Variants in PGAP1 observed in about 807,000 individuals in gnomAD.
PGAP1 encodes the protein post-GPI attachment to proteins inositol deacylase 1, also known as GPI inositol-deacylase.
Under a neutral mutation model 127.0 loss-of-function variants are expected in PGAP1, and 76 were observed. The ratio of observed to expected loss-of-function variants is 0.60; its 90% CI spans 0.50 to 0.72. The LOEUF (loss-of-function observed/expected upper bound fraction) is 0.72, where lower values mean the gene tolerates loss of function less well. PGAP1 is among the 30% of genes least tolerant of loss of function. The probability of loss-of-function intolerance (pLI) is 0.00; values close to 1 mark genes in which losing one functional copy is unlikely to be tolerated. For missense variants in PGAP1, 982 were observed against 1,071.3 expected (o/e 0.92, Z 1.16); for synonymous variants, 362 against 366.5 (o/e 0.99, Z 0.14).
intron 10 of PGAP1, among the ~76,000 whole-genome samples, chr2:196,889,205 T>C (rs1702018581): frequency 6.6e-6 from 1 of 152,154 alleles, no homozygotes; most frequent in South Asian, 2.1e-4. Context: ...TAGTATTAAG[T>C]GAGAAAAGAT....
chr2:196,905,029 T>G (rs1437513293), intron 4 of PGAP1, among the ~76,000 whole-genome samples: 1 of 152,108 alleles, frequency 6.6e-6, no homozygotes, highest in African/African-American at 2.4e-5. Flanking sequence ...ATAAAAAGAA[T>G]AAATATAGAA....
rs537839838 is a variant in PGAP1, at chr2:196,833,784, G to A, written c.*7450C>T. 3.3e-5 allele frequency: 5 copies of A among 152,016 alleles called. No homozygotes were observed. Among genetic ancestry groups the A allele is most frequent in the African/African-American group, 4.8e-5 (2 of 41,414 alleles). 9.4% of individuals were successfully genotyped at this position (152,016 alleles called of 1,614,324 possible). A position where few individuals can be genotyped will look rare whatever the true frequency, so the allele number is the denominator to read the frequency against. On this transcript the variant is annotated 3_prime_UTR_variant, in exon 27 of 27. Coordinates refer to ENST00000354764, the MANE Select transcript of PGAP1 (RefSeq NM_024989.4). ...ACAGAAATGTGGGCATCTTTTATCA[G>A]AGACCATGATTATCCTGTGAATAAA...
chr2:196,921,577 A>G (rs917558317), intron 1 of PGAP1, among the ~76,000 whole-genome samples: 8 of 152,162 alleles, frequency 5.3e-5, no homozygotes, highest in Admixed American at 2.6e-4. Flanking sequence ...CTTTTAGTAC[A>G]GTAGCTAAAC....
At chr2:196,883,236 C>T (rs636258) in intron 12 of PGAP1, among the ~76,000 whole-genome samples, 40,320 of 152,040 alleles carry the variant, frequency 0.27, 6,405 homozygotes, top group African/African-American at 0.45. Flanking sequence ...TATGTTTGCA[C>T]TAAACATTTC....
chr2:196,855,101 T>C (rs1347479537), intron 20 of PGAP1, among the ~76,000 whole-genome samples: 2 of 151,648 alleles, frequency 1.3e-5, no homozygotes, highest in Non-Finnish European at 2.9e-5. Flanking sequence ...GGCAGGTGGA[T>C]TGCCTGAGCT....
chr2:196,856,847 T>C (rs184897254), intron 20 of PGAP1, among the ~76,000 whole-genome samples: 18 of 152,354 alleles, frequency 1.2e-4, no homozygotes, highest in Admixed American at 1.0e-3. Flanking sequence ...TTCAAAACTA[T>C]TATGCAAACT....
chr2:196,898,468 A>T, intron 5 of PGAP1, 99 bp from the exon 6 acceptor site: 1 of 760,282 alleles, frequency 1.3e-6, no homozygotes, highest in Non-Finnish European at 2.2e-6. Context: ...CACATAATAT[A>T]GTTTCACTAT....
chr2:196,926,331 G>A, intron 1 of PGAP1, 139 bp downstream of exon 1: 1 of 1,306,908 alleles, frequency 7.7e-7, no homozygotes, highest in Middle Eastern at 2.7e-4. Context: ...AGTCTCCCCG[G>A]GCGGAGAAAA....
At chr2:196,897,938 C>T (rs1315060110) in intron 6 of PGAP1, among the ~76,000 whole-genome samples, 1 of 152,172 alleles carries the variant, frequency 6.6e-6, no homozygotes, top group Non-Finnish European at 1.5e-5. Context: ...ACAAACCAGG[C>T]CAGGTGTGGT....
At chr2:196,900,769 C>CA (rs1334809790) in intron 5 of PGAP1, among the ~76,000 whole-genome samples, 3 of 151,382 alleles carry the variant, frequency 2.0e-5, no homozygotes, top group Admixed American at 6.6e-5. Flanking sequence ...ACTAAAAATA[C>CA]AAAAAAAATT....
chr2:196,837,616 A>G lies in PGAP1; in HGVS notation c.*3618T>C, dbSNP rs1002206847. On this transcript the variant is annotated 3_prime_UTR_variant, in exon 27 of 27. Transcript: ENST00000354764. ...ACTCCAGCCTGGGTGACAGAATGAG[A>G]CTCTGTTTCTAAAGAAAAAACATAT... 6.6e-6 allele frequency: 1 copy of G among 152,100 alleles called. No homozygotes were observed. The highest frequency in any genetic ancestry group is 2.4e-5 in the African/African-American group (1 of 41,412). The allele number at this position is 152,100 out of a possible 1,614,324, so 9.4% of individuals were successfully genotyped here.
At chr2:196,920,237 T>A in intron 1 of PGAP1, 87 bp from the exon 2 acceptor site, 1 of 1,156,286 alleles carries the variant, frequency 8.6e-7, no homozygotes, top group Non-Finnish European at 1.2e-6. Context: ...TTACGCAAAT[T>A]TGAAATAGTG....
chr2:196,912,817 C>G lies in PGAP1; in HGVS notation c.649+65G>C, dbSNP rs745982593. 507 of 1,428,998 alleles carry G rather than the reference C, an allele frequency of 3.5e-4. 2 individuals are homozygous for G. Among genetic ancestry groups the G allele is most frequent in the Admixed American group, 8.7e-4 (39 of 44,886 alleles). 88.5% of individuals were successfully genotyped at this position (1,428,998 alleles called of 1,614,324 possible). ...TAGCATACTCCTAGGGGAATAGCCA[C>G]AGAGATTGATTTATTTAATCTTAAA... On this transcript the variant is annotated intron_variant, in intron 4 of 26. Coordinates refer to ENST00000354764, the MANE Select transcript of PGAP1 (RefSeq NM_024989.4).
chr2:196,922,287 G>A, intron 1 of PGAP1: 3 of 1,168,368 alleles, frequency 2.6e-6, no homozygotes, highest in Non-Finnish European at 3.3e-6. Flanking sequence ...TTACTTAATT[G>A]TAAACTTAAA....
intron 20 of PGAP1, among the ~76,000 whole-genome samples, chr2:196,863,179 A>G (rs908778602): frequency 2.0e-5 from 3 of 152,184 alleles, no homozygotes; most frequent in Admixed American, 1.3e-4. Context: ...AAAAACTACA[A>G]ATAGATCTGC....
intron 19 of PGAP1, among the ~76,000 whole-genome samples, chr2:196,866,690 C>A (rs1049026437): frequency 6.6e-6 from 1 of 152,008 alleles, no homozygotes; most frequent in Non-Finnish European, 1.5e-5. Context: ...AGGCAACCTA[C>A]AGAATGGGGG....
intron 7 of PGAP1, among the ~76,000 whole-genome samples, chr2:196,893,953 A>G (rs985199340): frequency 6.6e-6 from 1 of 152,218 alleles, no homozygotes; most frequent in Admixed American, 6.5e-5. Flanking sequence ...CAGAGCGAGA[A>G]CGGCAAAGAA....
intron 4 of PGAP1, among the ~76,000 whole-genome samples, chr2:196,903,663 G>T (rs150396935): frequency 2.0e-5 from 3 of 152,052 alleles, no homozygotes; most frequent in Admixed American, 2.0e-4. Context: ...AATCTATCTG[G>T]ACAATACCAT....
At chr2:196,885,548 G>C (rs1216364868) in intron 11 of PGAP1, 73 bp from the exon 12 acceptor site, 9 of 1,153,048 alleles carry the variant, frequency 7.8e-6, no homozygotes, top group Non-Finnish European at 1.1e-5. Flanking sequence ...ATAAGATTCA[G>C]AGGAAAAAGA....
Sources: allele counts gnomAD v4.1 joint callset (sites outside exome capture counted in the v4.1 genomes callset), GRCh38; gene constraint gnomAD v4.1.1; transcripts MANE v1.5; gene names NCBI Gene and HGNC (gene_info 2026-07-23, HGNC 2026-07-21).